The following FGF14 variants were observed in gnomAD, a reference collection of about 807,000 sequenced individuals.
The protein encoded by FGF14 is fibroblast growth factor homologous factor 4.
FGF14 carries 5 observed loss-of-function variants against 25.5 expected under a neutral mutation model. That is an observed-to-expected ratio of 0.20 (90% confidence interval 0.10 to 0.41). The LOEUF is 0.41. FGF14 is among the 10% of genes least tolerant of loss of function. FGF14 has a pLI of 1.00. For synonymous variants in FGF14, 138 were observed against 118.3 expected (o/e 1.17, Z -1.08); for missense variants, 222 against 320.1 (o/e 0.69, Z 2.34).
At chr13:102,276,330 T>TAC (rs2053539658) in intron 1 of FGF14, among the ~76,000 whole-genome samples, 4 of 56,078 alleles carry the variant, frequency 7.1e-5, no homozygotes, top group African/African-American at 3.8e-4. Context: ...CACACACACG[T>TAC]ACGTGTGTGT....
At chr13:101,956,619 T>TATCTGCTGG (rs1317092349) in intron 1 of FGF14, among the ~76,000 whole-genome samples, 3 of 152,102 alleles carry the variant, frequency 2.0e-5, no homozygotes, top group Admixed American at 6.6e-5. Context: ...CTGGGGTTAA[T>TATCTGCTGG]GAGGTAAAAA....
chr13:102,159,755 T>C (rs1036292635), intron 1 of FGF14, among the ~76,000 whole-genome samples: 1 of 152,216 alleles, frequency 6.6e-6, no homozygotes, highest in Non-Finnish European at 1.5e-5. Flanking sequence ...ACAGTTAGTA[T>C]TGGCTGAATT....
intron 1 of FGF14, among the ~76,000 whole-genome samples, chr13:101,895,682 A>G (rs959053348): frequency 6.6e-6 from 1 of 152,332 alleles, no homozygotes; most frequent in African/African-American, 2.4e-5. Context: ...GCAATGAATC[A>G]ACTTTCTATA....
chr13:101,770,403 GATTC>G (rs2038698031), intron 3 of FGF14, among the ~76,000 whole-genome samples: 1 of 151,908 alleles, frequency 6.6e-6, no homozygotes, highest in Admixed American at 6.6e-5. Context: ...TTATAAGTGG[GATTC>G]ATTAAAACAA....
intron 1 of FGF14, among the ~76,000 whole-genome samples, chr13:101,992,346 A>C (rs937982881): frequency 1.4e-4 from 21 of 152,242 alleles, no homozygotes; most frequent in Non-Finnish European, 2.9e-4. Flanking sequence ...TAAATATCAA[A>C]CCTCATATTA....
chr13:102,036,921 T>C (rs1566603053), intron 1 of FGF14, among the ~76,000 whole-genome samples: 1 of 152,122 alleles, frequency 6.6e-6, no homozygotes, highest in Non-Finnish European at 1.5e-5. Flanking sequence ...AGAAAGGAGA[T>C]TTTTCCTGCT....
At chr13:101,791,169 T>C (rs2040211883) in intron 3 of FGF14, among the ~76,000 whole-genome samples, 1 of 152,152 alleles carries the variant, frequency 6.6e-6, no homozygotes, top group Non-Finnish European at 1.5e-5. Flanking sequence ...ACCTCTCAAA[T>C]GTGTGTCCCT....
At chr13:101,776,535 G>C (rs777671781) in intron 3 of FGF14, among the ~76,000 whole-genome samples, 3 of 151,964 alleles carry the variant, frequency 2.0e-5, no homozygotes, top group Non-Finnish European at 2.9e-5. Flanking sequence ...GCAAAAGGCA[G>C]CCTTCGAGGG....
intron 1 of FGF14, among the ~76,000 whole-genome samples, chr13:102,271,346 C>T (rs762096622): frequency 2.0e-5 from 3 of 151,990 alleles, no homozygotes; most frequent in Admixed American, 6.5e-5. Context: ...CATTCTGTCT[C>T]GTCCATTTGC....
intron 3 of FGF14, among the ~76,000 whole-genome samples, chr13:101,843,263 C>T (rs945074693): frequency 6.6e-6 from 1 of 152,038 alleles, no homozygotes; most frequent in Non-Finnish European, 1.5e-5. Flanking sequence ...CCTGCCCCTA[C>T]CTCACTGTAT....
intron 1 of FGF14, among the ~76,000 whole-genome samples, chr13:102,392,330 A>G (rs2058451661): frequency 6.6e-6 from 1 of 152,236 alleles, no homozygotes; most frequent in Non-Finnish European, 1.5e-5. Context: ...TTGACTCCTC[A>G]AACTGAACAA....
intron 1 of FGF14, among the ~76,000 whole-genome samples, chr13:102,168,028 G>C (rs2048094237): frequency 6.6e-6 from 1 of 151,944 alleles, no homozygotes; most frequent in African/African-American, 2.4e-5. Context: ...TGAAATTATA[G>C]CTTCAAAAAC....
intron 1 of FGF14, among the ~76,000 whole-genome samples, chr13:102,237,167 C>T (rs529762544): frequency 1.3e-5 from 2 of 152,226 alleles, no homozygotes; most frequent in African/African-American, 4.8e-5. Flanking sequence ...TCTGATAGAG[C>T]GTTATCTCAA....
chr13:102,351,353 T>A (rs1212718594), intron 1 of FGF14, among the ~76,000 whole-genome samples: 1 of 152,190 alleles, frequency 6.6e-6, no homozygotes, highest in Non-Finnish European at 1.5e-5. Flanking sequence ...CCCTCGAACA[T>A]GTCTTCAAAT....
chr13:102,239,833 A>C (rs1399863995), intron 1 of FGF14, among the ~76,000 whole-genome samples: 1 of 152,212 alleles, frequency 6.6e-6, no homozygotes, highest in Admixed American at 6.5e-5. Flanking sequence ...AAAGAGGACC[A>C]GAATGTCCTT....
intron 1 of FGF14, among the ~76,000 whole-genome samples, chr13:102,196,649 TAAC>T (rs2049365755): frequency 6.6e-6 from 1 of 152,302 alleles, no homozygotes; most frequent in East Asian, 1.9e-4. Flanking sequence ...TCAGACTAAT[TAAC>T]AAATTCATCA....
At chr13:101,899,516 A>G (rs1923914) in intron 1 of FGF14, among the ~76,000 whole-genome samples, 1,593 of 152,190 alleles carry the variant, frequency 0.01, 34 homozygotes, top group African/African-American at 0.037. Context: ...AGAGAAGAAT[A>G]AATAATTTTA....
At chr13:101,882,480 T>C (rs538297558) in intron 1 of FGF14, among the ~76,000 whole-genome samples, 3 of 152,174 alleles carry the variant, frequency 2.0e-5, no homozygotes, top group Middle Eastern at 3.4e-3. Flanking sequence ...GATGTGCAGT[T>C]TTATCTATTT....
At chr13:102,307,633 A>G (rs2055468114) in intron 1 of FGF14, among the ~76,000 whole-genome samples, 1 of 152,154 alleles carries the variant, frequency 6.6e-6, no homozygotes, top group Admixed American at 6.5e-5. Flanking sequence ...AATAATAATC[A>G]CTAATATTTT....
Sources: gnomAD v4.1 joint callset for allele counts (sites outside exome capture counted in the v4.1 genomes callset) on GRCh38, gnomAD v4.1.1 for gene constraint, MANE v1.5 for transcripts, NCBI Gene and HGNC (gene_info 2026-07-23, HGNC 2026-07-21) for gene names.